XYLT1: variants seen among roughly 807,000 people sequenced by gnomAD.
XYLT1 encodes xylosyltransferase 1.
A neutral mutation model predicts 91.3 loss-of-function variants in XYLT1; 36 were observed. The ratio of observed to expected loss-of-function variants is 0.39; its 90% CI spans 0.30 to 0.52. XYLT1 has a LOEUF of 0.52. Ranked by LOEUF, XYLT1 falls within the 20% of genes least tolerant of loss-of-function variation. XYLT1 has a pLI of 0.68. For missense variants in XYLT1, 1,242 were observed against 1,284.5 expected (o/e 0.97, Z 0.51); for synonymous variants, 588 against 532.0 (o/e 1.11, Z -1.45).
At chr16:17,297,803 T>C (rs983046846) in intron 2 of XYLT1, among the ~76,000 whole-genome samples, 6 of 151,998 alleles carry the variant, frequency 3.9e-5, no homozygotes, top group East Asian at 1.9e-4. Flanking sequence ...GGGCAGATCA[T>C]GAGGTCAGGA....
chr16:17,395,735 C>T (rs541602335), intron 1 of XYLT1, among the ~76,000 whole-genome samples: 6 of 152,282 alleles, frequency 3.9e-5, no homozygotes, highest in African/African-American at 1.2e-4. Flanking sequence ...GGATTCTCAT[C>T]GGGGACTCCT....
intron 2 of XYLT1, among the ~76,000 whole-genome samples, chr16:17,317,549 G>C (rs2034653864): frequency 7.0e-6 from 1 of 142,328 alleles, no homozygotes; most frequent in Admixed American, 7.8e-5. Context: ...AGGATGGCTT[G>C]AGCCCAGGAG....
intron 5 of XYLT1, among the ~76,000 whole-genome samples, chr16:17,196,109 C>T (rs1246642109): frequency 1.3e-5 from 2 of 152,138 alleles, no homozygotes; most frequent in African/African-American, 4.8e-5. Context: ...GAGATTGTGC[C>T]TCCCCAGTAC....
At chr16:17,439,805 AAGGTACCTGTAGT>A (rs2036510200) in intron 1 of XYLT1, among the ~76,000 whole-genome samples, 3 of 152,162 alleles carry the variant, frequency 2.0e-5, no homozygotes, top group Non-Finnish European at 4.4e-5. Flanking sequence ...AAATTGTGCC[AAGGTACCTGTAGT>A]AGGCAGCTCC....
chr16:17,408,864 A>G (rs976381803), intron 1 of XYLT1, among the ~76,000 whole-genome samples: 1 of 152,110 alleles, frequency 6.6e-6, no homozygotes, highest in Middle Eastern at 3.4e-3. Context: ...ACAAAACAAA[A>G]CAAAAAAAAA....
chr16:17,404,602 C>T (rs1167863463), intron 1 of XYLT1, among the ~76,000 whole-genome samples: 1 of 152,138 alleles, frequency 6.6e-6, no homozygotes, highest in African/African-American at 2.4e-5. Flanking sequence ...CTTAGGAAGA[C>T]ACGCACCCAC....
chr16:17,162,275 G>T (rs1232141657), intron 5 of XYLT1, among the ~76,000 whole-genome samples: 1 of 151,908 alleles, frequency 6.6e-6, no homozygotes, highest in Non-Finnish European at 1.5e-5. Flanking sequence ...CCAGGTGTGG[G>T]CATGTACACC....
intron 3 of XYLT1, among the ~76,000 whole-genome samples, chr16:17,221,333 T>TA (rs1345969258): frequency 2.0e-5 from 3 of 152,210 alleles, no homozygotes; most frequent in Non-Finnish European, 2.9e-5. Context: ...GCACTTACTA[T>TA]ATGCCGGGCA....
chr16:17,413,866 C>T lies in XYLT1; in HGVS notation c.364-55816G>A, dbSNP rs188154293. On this transcript the variant is annotated intron_variant, in intron 1 of 11. Transcript: ENST00000261381. ...CAAACCAACAAACCCAGAGTCTATA[C>T]CCCCTCAGCCATCACCATATCTAAC... Among the ~76,000 whole-genome samples, 126 of 152,220 alleles carry T rather than the reference C, an allele frequency of 8.3e-4. 1 individual carries two copies. Among genetic ancestry groups the T allele is most frequent in the African/African-American group, 2.9e-3 (120 of 41,544 alleles).
chr16:17,455,240 T>C (rs1161923705), intron 1 of XYLT1, among the ~76,000 whole-genome samples: 1 of 152,164 alleles, frequency 6.6e-6, no homozygotes, highest in Non-Finnish European at 1.5e-5. Context: ...TAGTTGGGCG[T>C]GATCCCTTTC....
intron 5 of XYLT1, among the ~76,000 whole-genome samples, chr16:17,159,238 G>A (rs1449269476): frequency 6.6e-6 from 1 of 152,136 alleles, no homozygotes; most frequent in African/African-American, 2.4e-5. Context: ...TCAGCCCAAA[G>A]CTAAATGCAC....
intron 1 of XYLT1, among the ~76,000 whole-genome samples, chr16:17,426,766 T>C (rs1184092855): frequency 6.6e-6 from 1 of 152,176 alleles, no homozygotes; most frequent in Non-Finnish European, 1.5e-5. Flanking sequence ...AAGCCTACAA[T>C]ATTTCCTGTC....
chr16:17,109,961 G>A (rs1403732284), intron 11 of XYLT1, among the ~76,000 whole-genome samples: 2 of 152,186 alleles, frequency 1.3e-5, no homozygotes, highest in Non-Finnish European at 2.9e-5. Flanking sequence ...GTGAGGTGGG[G>A]TGGGAGGTCA....
intron 2 of XYLT1, among the ~76,000 whole-genome samples, chr16:17,329,737 G>A (rs1180421062): frequency 6.6e-6 from 1 of 152,106 alleles, no homozygotes; most frequent in Non-Finnish European, 1.5e-5. Context: ...TTGTAGACAT[G>A]CCCACTTGGA....
chr16:17,394,731 C>T (rs1330690620), intron 1 of XYLT1, among the ~76,000 whole-genome samples: 1 of 152,214 alleles, frequency 6.6e-6, no homozygotes. Flanking sequence ...CTTGGGCACA[C>T]AATTTAACTT....
At chr16:17,204,679 G>A (rs564325397) in intron 3 of XYLT1, among the ~76,000 whole-genome samples, 3 of 152,142 alleles carry the variant, frequency 2.0e-5, no homozygotes, top group Non-Finnish European at 2.9e-5. Flanking sequence ...TGAAAACAGA[G>A]CTATTATCTT....
At chr16:17,145,422 A>G (rs1406691662) in intron 6 of XYLT1, among the ~76,000 whole-genome samples, 1 of 152,198 alleles carries the variant, frequency 6.6e-6, no homozygotes, top group Admixed American at 6.5e-5. Flanking sequence ...TGGGTCTGAG[A>G]CTAGGTCTTG....
chr16:17,373,656 A>T (rs1181763126), intron 1 of XYLT1, among the ~76,000 whole-genome samples: 1 of 152,214 alleles, frequency 6.6e-6, no homozygotes, highest in Non-Finnish European at 1.5e-5. Context: ...TACTCACTTA[A>T]TTCTGACAAC....
At chr16:17,291,880 TGAAGA>T (rs957385146) in intron 2 of XYLT1, among the ~76,000 whole-genome samples, 12 of 151,654 alleles carry the variant, frequency 7.9e-5, no homozygotes, top group Non-Finnish European at 1.5e-4. Flanking sequence ...AGGAAAGGAA[TGAAGA>T]GAAAAGAATA....
Sources: gnomAD v4.1 joint callset for allele counts (sites outside exome capture counted in the v4.1 genomes callset) on GRCh38, gnomAD v4.1.1 for gene constraint, MANE v1.5 for transcripts, NCBI Gene and HGNC (gene_info 2026-07-23, HGNC 2026-07-21) for gene names.